The following CRBN variants were observed in gnomAD, a reference collection of about 807,000 sequenced individuals.
CRBN encodes the protein cereblon.
A neutral mutation model predicts 62.2 loss-of-function variants in CRBN; 53 were observed. That is an observed-to-expected ratio of 0.85 (90% CI 0.68 to 1.07). CRBN has a LOEUF of 1.07. Ranked by LOEUF, CRBN falls within the 50% of genes least tolerant of loss-of-function variation. The pLI is 0.00. For synonymous variants in CRBN, 208 were observed against 176.1 expected, an observed-to-expected ratio of 1.18 and a Z score of -1.43; for missense variants, 616 against 531.1, an observed-to-expected ratio of 1.16 and a Z score of -1.57.
intron 5 of CRBN, among the ~76,000 whole-genome samples, chr3:3,165,659 A>C (rs1363041624): frequency 1.3e-5 from 2 of 152,238 alleles, no homozygotes; most frequent in East Asian, 3.8e-4. Flanking sequence ...TGTGTGAATA[A>C]AACTTTTATA....
chr3:3,170,094 C>G (rs1707541638), intron 4 of CRBN, among the ~76,000 whole-genome samples: 1 of 152,124 alleles, frequency 6.6e-6, no homozygotes, highest in African/African-American at 2.4e-5. Context: ...GTTCTCATGC[C>G]TCAGCCTCCC....
rs1707407537 is a variant in CRBN, at chr3:3,167,755, A to C, written c.566T>G (p.Val189Gly). Residue 189 changes from valine to glycine, a missense_variant, in exon 5 of 11, where the codon GTG becomes GGG. By Grantham distance (109) the Val-to-Gly change is moderately radical (BLOSUM62 -3). Transcript: ENST00000231948. ...QAKVQILPEC[V>G]LPSTMSAVQL... ...AACTGCAGACATGGTTGAAGGCAAC[A>C]CACATTCGGGAAGAATTTGCACTTT... 6.2e-7 allele frequency: 1 copy of C among 1,613,648 alleles called. No individual in the cohort carries two copies. The highest frequency in any genetic ancestry group is 8.5e-7 in the Non-Finnish European group (1 of 1,179,636).
At chr3:3,155,130 C>T in intron 6 of CRBN, 1 of 403,124 alleles carries the variant, frequency 2.5e-6, no homozygotes, top group Admixed American at 4.0e-5. Context: ...TCTCTTCTGC[C>T]TTCTATTAGG....
upstream of CRBN, chr3:3,179,693 T>C (rs747872606): frequency 6.2e-7 from 1 of 1,612,998 alleles, no homozygotes; most frequent in South Asian, 1.1e-5. Context: ...GCCATGTCTG[T>C]TTACCCGCAA....
intron 8 of CRBN, 189 bp downstream of exon 8, chr3:3,153,771 T>C (rs1706745018): frequency 1.6e-6 from 1 of 629,120 alleles, no homozygotes; most frequent in East Asian, 2.7e-5. Flanking sequence ...TATTTTTCAC[T>C]AAGTTGATAA....
intron 5 of CRBN, chr3:3,156,574 C>T: frequency 2.3e-6 from 1 of 428,896 alleles, no homozygotes; most frequent in Non-Finnish European, 4.2e-6. Flanking sequence ...GAGTAAACAC[C>T]ATACTTCTAT....
At chr3:3,152,688 G>A (rs1373633342) in intron 9 of CRBN, 101 bp from the exon 10 acceptor site, 1 of 1,389,776 alleles carries the variant, frequency 7.2e-7, no homozygotes, top group Non-Finnish European at 1.0e-6. Context: ...TGAGGTATGA[G>A]CTATACAGTT....
At chr3:3,171,586 T>C (rs77577391) in intron 4 of CRBN, among the ~76,000 whole-genome samples, 1 of 152,100 alleles carries the variant, frequency 6.6e-6, no homozygotes. Flanking sequence ...GAAAAGTACC[T>C]GGGGAGAACT....
At chr3:3,169,154 T>A (rs1321098181) in intron 4 of CRBN, among the ~76,000 whole-genome samples, 1 of 152,184 alleles carries the variant, frequency 6.6e-6, no homozygotes, top group Non-Finnish European at 1.5e-5. Context: ...GGCTTACAGA[T>A]CATGTTAATT....
chr3:3,163,707 A>T (rs1424456813), intron 5 of CRBN, among the ~76,000 whole-genome samples: 1 of 152,224 alleles, frequency 6.6e-6, no homozygotes, highest in Non-Finnish European at 1.5e-5. Context: ...GCGTTAATTT[A>T]GGATTTTTAA....
chr3:3,162,561 A>G (rs963335438), intron 5 of CRBN, among the ~76,000 whole-genome samples: 2 of 152,220 alleles, frequency 1.3e-5, no homozygotes, highest in African/African-American at 2.4e-5. Flanking sequence ...AGAATGGTAG[A>G]TAACACAGAA....
intron 1 of CRBN, among the ~76,000 whole-genome samples, chr3:3,176,869 CA>C (rs1444016702): frequency 6.6e-6 from 1 of 152,218 alleles, no homozygotes; most frequent in Non-Finnish European, 1.5e-5. Flanking sequence ...TTACCAATGA[CA>C]GCAAAGAAAA....
At chr3:3,174,577 G>A (rs1404470035) in intron 2 of CRBN, among the ~76,000 whole-genome samples, 5 of 152,102 alleles carry the variant, frequency 3.3e-5, no homozygotes, top group African/African-American at 7.2e-5. Context: ...GAAGGTGGAG[G>A]CTGCAGTGAG....
At position 3,150,916 on chromosome 3, in the gene CRBN, G is replaced by A. The variant is rs377299607; in HGVS notation, c.1278C>T (p.Ile426=). 2 of 1,613,824 alleles carry A rather than the reference G, an allele frequency of 1.2e-6. No individual in the cohort carries two copies. Among genetic ancestry groups the A allele is most frequent in the African/African-American group, 2.7e-5 (2 of 74,888 alleles). The change falls in exon 11 of 11, where the codon ATC becomes ATT. Residue 426 remains isoleucine (I), a synonymous_variant. Transcript: ENST00000231948. ...GLTRSALLPT[I]PDTEDEISPD... is the part of the protein sequence containing the mutation. ...GACTTATTTCATCTTCAGTGTCTGG[G>A]ATCGTGGGCAACAGAGCAGATCGCG...
At chr3:3,177,117 T>C (rs1487558555) in intron 1 of CRBN, among the ~76,000 whole-genome samples, 1 of 151,614 alleles carries the variant, frequency 6.6e-6, no homozygotes, top group Non-Finnish European at 1.5e-5. Context: ...CAAAGAATTC[T>C]CCAGCCCAAA....
intron 4 of CRBN, among the ~76,000 whole-genome samples, chr3:3,170,373 C>T (rs1279432130): frequency 6.6e-6 from 1 of 152,046 alleles, no homozygotes; most frequent in African/African-American, 2.4e-5. Context: ...GCTTATTTCT[C>T]TAAGAAAAAC....
intron 5 of CRBN, among the ~76,000 whole-genome samples, chr3:3,164,637 A>AT (rs1386758957): frequency 6.6e-6 from 1 of 152,210 alleles, no homozygotes; most frequent in Admixed American, 6.5e-5. Flanking sequence ...TTTACTGAAT[A>AT]TTTTAAGCCT....
At chr3:3,176,449 A>C (rs1191926740) in intron 1 of CRBN, among the ~76,000 whole-genome samples, 1 of 152,194 alleles carries the variant, frequency 6.6e-6, no homozygotes, top group Non-Finnish European at 1.5e-5. Context: ...TTATCTTAAA[A>C]TGAAGGCCAG....
At chr3:3,154,245 A>C (rs936156142) in intron 7 of CRBN, 170 bp from the exon 8 acceptor site, 11 of 603,074 alleles carry the variant, frequency 1.8e-5, no homozygotes, top group Non-Finnish European at 3.2e-5. Context: ...CACTTTTCAG[A>C]AGCTCTAAAT....
Sources: allele counts gnomAD v4.1 joint callset (sites outside exome capture counted in the v4.1 genomes callset), GRCh38; gene constraint gnomAD v4.1.1; transcripts MANE v1.5; gene names NCBI Gene and HGNC (gene_info 2026-07-23, HGNC 2026-07-21).